The following MTHFD2L variants were observed in gnomAD, a reference collection of about 807,000 sequenced individuals.
MTHFD2L encodes methylenetetrahydrofolate dehydrogenase (NADP+ dependent) 2 like.
MTHFD2L carries 29 observed loss-of-function variants against 34.9 expected under a neutral mutation model. The ratio of observed to expected loss-of-function variants is 0.83; its 90% CI spans 0.62 to 1.13. MTHFD2L has a LOEUF of 1.13. MTHFD2L is among the 50% of genes most tolerant of loss of function. The pLI is 0.00. For missense variants in MTHFD2L, 481 were observed against 446.5 expected (o/e 1.08, Z -0.70); for synonymous variants, 167 against 155.7 (o/e 1.07, Z -0.54).
At chr4:74,267,125 A>G (rs1402272697) in intron 6 of MTHFD2L, 1 of 985,120 alleles carries the variant, frequency 1.0e-6, no homozygotes, top group East Asian at 1.1e-4. Flanking sequence ...ATGTTTCTAA[A>G]ATGTTTGAAA....
chr4:74,175,312 G>C lies in MTHFD2L; in HGVS notation c.360G>C (p.Lys120Asn), dbSNP rs1349336542. The change falls in exon 3 of 8, where the codon AAG becomes AAC. Residue 120 changes from lysine (K) to asparagine (N), a missense_variant. Lys to Asn is a moderately conservative substitution (Grantham distance 94). Transcript: ENST00000325278. ...GTAGTGAGCTCATTCTAAAACCTAA[G>C]GATGTTTCTCAGGAAGAACTTTTGG... Reference protein sequence around the residue: ...GICSELILKPKDVSQEELLDV... With the variant: ...GICSELILKPNDVSQEELLDV... 1 of 1,613,158 alleles carries C rather than the reference G, an allele frequency of 6.2e-7. No homozygotes were observed. Among genetic ancestry groups the C allele is most frequent in the African/African-American group, 1.3e-5 (1 of 74,970 alleles).
Position 74,158,147 on chromosome 4 carries a change from G to C in MTHFD2L, c.9G>C (p.Val3=). Residue 3 remains valine (V), a synonymous_variant, in exon 1 of 8, where the codon GTG becomes GTC. Transcript: ENST00000325278. ...GCCGGGGATCCGCGGCCATGACGGT[G>C]CCGGTCCGCGGCTTCTCGCTGCTCC... MT[V]PVRGFSLLRG... is the part of the protein sequence containing the mutation. 1 of 1,530,744 alleles carries C rather than the reference G, an allele frequency of 6.5e-7. No individual in the cohort carries two copies. The highest frequency in any genetic ancestry group is 8.8e-7 in the Non-Finnish European group (1 of 1,140,674). The allele number at this position is 1,530,744 out of a possible 1,614,324, so 94.8% of individuals were successfully genotyped here. A position where few individuals can be genotyped will look rare whatever the true frequency, so the allele number is the denominator to read the frequency against.
intron 3 of MTHFD2L, 122 bp downstream of exon 3, chr4:74,175,525 T>C: frequency 1.9e-6 from 2 of 1,062,220 alleles, no homozygotes; most frequent in Non-Finnish European, 2.7e-6. Flanking sequence ...ACTAGCTATT[T>C]TACTAGTAAT....
chr4:74,268,937 T>G (rs1745629048), intron 6 of MTHFD2L, among the ~76,000 whole-genome samples: 1 of 152,214 alleles, frequency 6.6e-6, no homozygotes. Flanking sequence ...ATTCGGTATT[T>G]TTTTGCCTAG....
chr4:74,295,566 G>A (rs1179298537), intron 7 of MTHFD2L, among the ~76,000 whole-genome samples: 1 of 152,136 alleles, frequency 6.6e-6, no homozygotes, highest in Non-Finnish European at 1.5e-5. Flanking sequence ...TGCAAACACA[G>A]AACAGTTTCT....
chr4:74,152,930 C>T (rs539304733), intron 1 of MTHFD2L, among the ~76,000 whole-genome samples: 23 of 152,348 alleles, frequency 1.5e-4, no homozygotes, highest in African/African-American at 5.5e-4. Context: ...GAACTTGCCT[C>T]TTCTAGCTGA....
chr4:74,244,060 G>C (rs1578593310), intron 6 of MTHFD2L, among the ~76,000 whole-genome samples: 1 of 152,194 alleles, frequency 6.6e-6, no homozygotes. Context: ...CTCCCTGTTT[G>C]TTGGGGGTGG....
intron 6 of MTHFD2L, among the ~76,000 whole-genome samples, chr4:74,235,739 A>G (rs1047891121): frequency 2.0e-5 from 3 of 152,146 alleles, no homozygotes; most frequent in Admixed American, 1.3e-4. Flanking sequence ...CCTAGTGCCA[A>G]TGAAAGATAG....
rs1244540525 is a variant in MTHFD2L, at chr4:74,158,138, C to T, written c.-1C>T. 8.5e-6 allele frequency: 13 copies of T among 1,530,834 alleles called. No homozygotes were observed. Among genetic ancestry groups the T allele is most frequent in the Non-Finnish European group, 1.1e-5 (12 of 1,141,324 alleles). The allele number at this position is 1,530,834 out of a possible 1,614,324, so 94.8% of individuals were successfully genotyped here. ...AGTCCGGAAGCCGGGGATCCGCGGC[C>T]ATGACGGTGCCGGTCCGCGGCTTCT... is the stretch of plus-strand genomic sequence containing the variant. On this transcript the variant is annotated 5_prime_UTR_variant, in exon 1 of 8. Transcript: ENST00000325278.
At chr4:74,158,689 T>C (rs548961441) in intron 1 of MTHFD2L, among the ~76,000 whole-genome samples, 1 of 152,356 alleles carries the variant, frequency 6.6e-6, no homozygotes, top group East Asian at 1.9e-4. Flanking sequence ...TTTGCGTTTC[T>C]GAATTCCTTT....
chr4:74,291,613 AT>A (rs1405520612), intron 7 of MTHFD2L, among the ~76,000 whole-genome samples: 19 of 152,328 alleles, frequency 1.2e-4, no homozygotes, highest in African/African-American at 4.6e-4. Flanking sequence ...TCCTGGGTAT[AT>A]CTGTGCACAT....
intron 3 of MTHFD2L, among the ~76,000 whole-genome samples, chr4:74,192,630 G>T (rs999146438): frequency 6.6e-6 from 1 of 152,028 alleles, no homozygotes; most frequent in African/African-American, 2.4e-5. Flanking sequence ...GTTTCTTCAT[G>T]CCCCTTCCCA....
intron 1 of MTHFD2L, among the ~76,000 whole-genome samples, chr4:74,152,634 C>T (rs1724011932): frequency 6.6e-6 from 1 of 151,958 alleles, no homozygotes; most frequent in Non-Finnish European, 1.5e-5. Flanking sequence ...ATTTTAAGTC[C>T]TGCATGCATT....
chr4:74,273,867 G>T (rs1309925075), intron 6 of MTHFD2L, among the ~76,000 whole-genome samples: 1 of 152,144 alleles, frequency 6.6e-6, no homozygotes, highest in African/African-American at 2.4e-5. Flanking sequence ...AGTTTTCACA[G>T]ATAGTAAAGT....
intron 6 of MTHFD2L, among the ~76,000 whole-genome samples, chr4:74,258,949 T>C (rs1157568954): frequency 6.6e-6 from 1 of 152,224 alleles, no homozygotes; most frequent in Non-Finnish European, 1.5e-5. Context: ...TTTAAAATCA[T>C]TTTAAGACTT....
At chr4:74,226,158 A>G (rs950886421) in intron 6 of MTHFD2L, among the ~76,000 whole-genome samples, 1 of 150,974 alleles carries the variant, frequency 6.6e-6, no homozygotes, top group African/African-American at 2.4e-5. Context: ...TTATTTGTCA[A>G]CGTTTATTGG....
intron 5 of MTHFD2L, among the ~76,000 whole-genome samples, chr4:74,209,768 A>T (rs74503864): frequency 6.6e-6 from 1 of 152,226 alleles, no homozygotes; most frequent in Non-Finnish European, 1.5e-5. Flanking sequence ...AGGAATTGCC[A>T]TGCTGTCTTC....
intron 7 of MTHFD2L, among the ~76,000 whole-genome samples, chr4:74,295,018 A>G (rs1415440770): frequency 6.6e-6 from 1 of 152,100 alleles, no homozygotes; most frequent in East Asian, 1.9e-4. Flanking sequence ...AGTAGTATAC[A>G]TTTTTCTCAC....
intron 7 of MTHFD2L, among the ~76,000 whole-genome samples, chr4:74,282,587 G>C (rs1747641907): frequency 6.6e-6 from 1 of 152,130 alleles, no homozygotes; most frequent in African/African-American, 2.4e-5. Flanking sequence ...CTATATATGT[G>C]AGATTCTAAG....
Sources: allele counts gnomAD v4.1 joint callset (sites outside exome capture counted in the v4.1 genomes callset), GRCh38; gene constraint gnomAD v4.1.1; transcripts MANE v1.5; gene names NCBI Gene and HGNC (gene_info 2026-07-23, HGNC 2026-07-21).